The following GALNT15 variants were observed in gnomAD, a reference collection of about 807,000 sequenced individuals.
GALNT15 encodes UDP-GalNAc transferase T15.
Under a neutral mutation model 66.8 loss-of-function variants are expected in GALNT15, and 67 were observed. That is an observed-to-expected ratio of 1.00 (90% CI 0.82 to 1.23). The LOEUF (loss-of-function observed/expected upper bound fraction) is 1.23, where lower values mean the gene tolerates loss of function less well. GALNT15 is among the 50% of genes most tolerant of loss of function. The probability of loss-of-function intolerance (pLI) is 0.00; values close to 1 mark genes in which losing one functional copy is unlikely to be tolerated. For missense variants in GALNT15, 827 were observed against 804.3 expected, an observed-to-expected ratio of 1.03 and a Z score of -0.34; for synonymous variants, 313 against 311.5, an observed-to-expected ratio of 1.00 and a Z score of -0.05.
chr3:16,176,802 C>G lies in GALNT15; in HGVS notation c.539+1112C>G, dbSNP rs2063414901. ...CAGCAGTTGGAAGCAGGGCCACACA[C>G]TCTTCGGATCCCTGATCTAGTTCCC... On this transcript the variant is annotated intron_variant, in intron 1 of 9. Coordinates refer to ENST00000339732, the MANE Select transcript of GALNT15 (RefSeq NM_054110.5). The surrounding 1 kb of genome is among the most constrained non-coding windows in gnomAD (Gnocchi z 5.6). Among the ~76,000 whole-genome samples the G allele has an allele frequency of 1.3e-5, 2 of 152,242 alleles. No individual in the cohort carries two copies. Among genetic ancestry groups the G allele is most frequent in the Non-Finnish European group, 2.9e-5 (2 of 68,046 alleles).
downstream of GALNT15, among the ~76,000 whole-genome samples, chr3:16,236,167 A>G (rs1237722933): frequency 6.7e-6 from 1 of 148,948 alleles, no homozygotes; most frequent in East Asian, 2.0e-4. Flanking sequence ...CTCAAAGGCC[A>G]GAGTAACAGT....
At chr3:16,205,260 A>G (rs2063745075) in intron 3 of GALNT15, among the ~76,000 whole-genome samples, 2 of 152,252 alleles carry the variant, frequency 1.3e-5, no homozygotes, top group South Asian at 2.1e-4. Context: ...TGGCTTGTGT[A>G]TCATGGACCT....
At chr3:16,240,321 C>T in the GALNT15 span, among the ~76,000 whole-genome samples, 1 of 152,308 alleles carries the variant, frequency 6.6e-6, no homozygotes, top group Admixed American at 6.5e-5. Context: ...AAGGTCACAC[C>T]TCTAGGGCCT....
chr3:16,205,970 G>A (rs1276496643), intron 3 of GALNT15, among the ~76,000 whole-genome samples: 6 of 152,188 alleles, frequency 3.9e-5, no homozygotes, highest in Non-Finnish European at 8.8e-5. Context: ...GTTATTAGAA[G>A]TGAGTTTTAC....
rs574318285 is a variant in GALNT15 at position 16,198,452 on chromosome 3, C to T, written c.707-2167C>T. Reference sequence around the variant, plus strand: ...CAGTGACAGGAAGTCTCGAGAGATACGTGTTTTTAGCTGTCCCGAGAAACA... The same window carrying T: ...CAGTGACAGGAAGTCTCGAGAGATATGTGTTTTTAGCTGTCCCGAGAAACA... On this transcript the variant is annotated intron_variant, in intron 2 of 9. Coordinates refer to ENST00000339732, the MANE Select transcript of GALNT15 (RefSeq NM_054110.5). Among the ~76,000 whole-genome samples, 43 of 141,986 alleles carry T rather than the reference C, an allele frequency of 3.0e-4. 7 individuals are homozygous for T. The highest frequency in any genetic ancestry group is 9.7e-4 in the African/African-American group (37 of 38,192). 93.1% of individuals were successfully genotyped at this position (141,986 alleles called of 152,430 possible). A position where few individuals can be genotyped will look rare whatever the true frequency, so the allele number is the denominator to read the frequency against.
chr3:16,222,906 A>AG, intron 9 of GALNT15, 148 bp downstream of exon 9: 1 of 941,692 alleles, frequency 1.1e-6, no homozygotes, highest in South Asian at 1.8e-5. Flanking sequence ...GTAAGGCCTC[A>AG]GGGGGAGGAA....
rs547709946 is a variant in GALNT15 at position 16,192,891 on chromosome 3, A to G, written c.540-2869A>G. Among the ~76,000 whole-genome samples, 8 of 152,362 alleles carry G rather than the reference A, an allele frequency of 5.3e-5. No individual in the cohort carries two copies. The South Asian group carries it at 1.7e-3, about 32-fold the overall frequency. ...GCCATGCATTTAGGGACTTCTTGCT[A>G]AAGTCCATAGGAATTTATCTTTCAA... On this transcript the variant is annotated intron_variant, in intron 1 of 9. Coordinates refer to ENST00000339732, the MANE Select transcript of GALNT15 (RefSeq NM_054110.5).
At chr3:16,226,580 A>C (rs1429494588) in intron 9 of GALNT15, among the ~76,000 whole-genome samples, 1 of 152,092 alleles carries the variant, frequency 6.6e-6, no homozygotes, top group African/African-American at 2.4e-5. Flanking sequence ...CCAAACAACC[A>C]ATCTTGTGAG....
intron 5 of GALNT15, 62 bp from the exon 6 acceptor site, chr3:16,212,507 C>G: frequency 6.7e-7 from 1 of 1,500,694 alleles, no homozygotes; most frequent in South Asian, 1.3e-5. Context: ...GATAGGGCTC[C>G]CTATTTCCCG....
Position 16,228,741 on chromosome 3 carries a change from C to G in GALNT15, c.*1241C>G. 1.0e-6 allele frequency: 1 copy of G among 985,272 alleles called. No individual in the cohort carries two copies. The highest frequency in any genetic ancestry group is 1.2e-6 in the Non-Finnish European group (1 of 829,936). The allele number at this position is 985,272 out of a possible 1,614,324, so 61.0% of individuals were successfully genotyped here. ...CCTTTCTAAAAAAGCAAACCTTTTTCCTGGGAGGAAAATGCCAGAGCCTGA... is the reference window on the plus strand; with the variant it reads ...CCTTTCTAAAAAAGCAAACCTTTTTGCTGGGAGGAAAATGCCAGAGCCTGA... On this transcript the variant is annotated 3_prime_UTR_variant, in exon 10 of 10. Transcript: ENST00000339732.
rs563197063 is a variant in GALNT15 at position 16,224,235 on chromosome 3, G to T, written c.1773+1477G>T. 4.0e-4 allele frequency among the ~76,000 whole-genome samples: 61 copies of T among 152,292 alleles called. No individual in the cohort carries two copies. The highest frequency in any genetic ancestry group is 1.4e-3 in the African/African-American group (60 of 41,554). ...AAGGAATGAGGTACTATTCATAGTG[G>T]CACTGTTGACAATAGCCAAGAAGTG... On this transcript the variant is annotated intron_variant, in intron 9 of 9. Coordinates refer to ENST00000339732, the MANE Select transcript of GALNT15 (RefSeq NM_054110.5). This position sits in a 1 kb window ranked among gnomAD's most constrained non-coding sequence, Gnocchi z 5.2.
At chr3:16,242,374 T>G in the GALNT15 span, among the ~76,000 whole-genome samples, 2 of 152,210 alleles carry the variant, frequency 1.3e-5, no homozygotes, top group African/African-American at 4.8e-5. The surrounding 1 kb of genome is among the most constrained non-coding windows in gnomAD (Gnocchi z 5.6). Context: ...AGAATGCGTC[T>G]GCCCCTGAAC....
At chr3:16,190,775 G>A (rs2063568361) in intron 1 of GALNT15, among the ~76,000 whole-genome samples, 1 of 152,148 alleles carries the variant, frequency 6.6e-6, no homozygotes, top group African/African-American at 2.4e-5. Flanking sequence ...TGTGGGTGCT[G>A]GGCCTTCTCA....
chr3:16,237,723 T>C, the GALNT15 span, among the ~76,000 whole-genome samples: 1 of 152,186 alleles, frequency 6.6e-6, no homozygotes, highest in Non-Finnish European at 1.5e-5. This position sits in a 1 kb window ranked among gnomAD's most constrained non-coding sequence, Gnocchi z 4.2. Context: ...TCCAGTCAAC[T>C]CTTTGAGCAT....
intron 2 of GALNT15, among the ~76,000 whole-genome samples, chr3:16,196,633 C>T (rs1489638229): frequency 6.6e-6 from 1 of 152,196 alleles, no homozygotes; most frequent in African/African-American, 2.4e-5. Flanking sequence ...TAAAATACTA[C>T]TGCAGGGCCC....
chr3:16,209,827 C>CA lies in GALNT15; in HGVS notation c.1079+1163dup, dbSNP rs1430544221. Among the ~76,000 whole-genome samples the CA allele has an allele frequency of 1.3e-5, 2 of 152,042 alleles. No individual in the cohort carries two copies. Among genetic ancestry groups the CA allele is most frequent in the African/African-American group, 4.8e-5 (2 of 41,426 alleles). ...ACAGAGCAAGATTCTGTCTCAAAAACAAAAAACAAAAACAAAATCATTAGG... is the reference window on the plus strand; with the variant it reads ...ACAGAGCAAGATTCTGTCTCAAAAACAAAAAAACAAAAACAAAATCATTAGG... On this transcript the variant is annotated intron_variant, in intron 4 of 9. Coordinates refer to ENST00000339732, the MANE Select transcript of GALNT15 (RefSeq NM_054110.5). The surrounding 1 kb of genome is among the most constrained non-coding windows in gnomAD (Gnocchi z 4.1).
At chr3:16,222,594 C>T (rs1157521578) in intron 8 of GALNT15, 21 bp from the exon 9 acceptor site, 4 of 1,614,094 alleles carry the variant, frequency 2.5e-6, no homozygotes, top group Non-Finnish European at 3.4e-6. Flanking sequence ...GCTGCGCTAA[C>T]AACTATTGCT....
rs1045355447 is a variant in GALNT15 at position 16,209,257 on chromosome 3, C to T, written c.1079+587C>T. Among the ~76,000 whole-genome samples, 1 of 152,144 alleles carries T rather than the reference C, an allele frequency of 6.6e-6. No homozygotes were observed. Among genetic ancestry groups the T allele is most frequent in the Non-Finnish European group, 1.5e-5 (1 of 68,032 alleles). On this transcript the variant is annotated intron_variant, in intron 4 of 9. Coordinates refer to ENST00000339732, the MANE Select transcript of GALNT15 (RefSeq NM_054110.5). The surrounding 1 kb of genome is among the most constrained non-coding windows in gnomAD (Gnocchi z 4.1). ...TGTAAAACACAGCCATTTTATTAAGCTCATGAATTCTGTGGGATATGAATT... is the reference window on the plus strand; with the variant it reads ...TGTAAAACACAGCCATTTTATTAAGTTCATGAATTCTGTGGGATATGAATT...
At chr3:16,179,742 C>A (rs1201822545) in intron 1 of GALNT15, among the ~76,000 whole-genome samples, 1 of 152,190 alleles carries the variant, frequency 6.6e-6, no homozygotes, top group East Asian at 1.9e-4. Context: ...ACAGAACAAA[C>A]TCAATGAAAT....
Sources: gnomAD v4.1 joint callset for allele counts (sites outside exome capture counted in the v4.1 genomes callset) on GRCh38, gnomAD v4.1.1 for gene constraint, Gnocchi (gnomAD v3.1) non-coding constraint, MANE v1.5 for transcripts, NCBI Gene and HGNC (gene_info 2026-07-23, HGNC 2026-07-21) for gene names.